Variants in CDK14 observed in about 807,000 individuals in gnomAD.
The protein encoded by CDK14 is cyclin dependent kinase 14.
In CDK14, 34 loss-of-function variants were observed where a neutral mutation model predicts 60.7. The ratio of observed to expected loss-of-function variants is 0.56; its 90% CI spans 0.43 to 0.75. CDK14 has a LOEUF of 0.75. Ranked by LOEUF, CDK14 falls within the 30% of genes least tolerant of loss-of-function variation. The pLI is 0.00. For missense variants in CDK14, 482 were observed against 564.1 expected (o/e 0.85, Z 1.47); for synonymous variants, 197 against 203.7 (o/e 0.97, Z 0.28).
At chr7:90,649,329 C>T (rs61101856) in intron 2 of CDK14, among the ~76,000 whole-genome samples, 602 of 41,072 alleles carry the variant, frequency 0.015, 3 homozygotes, top group East Asian at 0.058. Flanking sequence ...TCCTTCCTTC[C>T]TTCCTTCCTT....
At chr7:90,711,001 A>AT (rs1462567617) in intron 2 of CDK14, among the ~76,000 whole-genome samples, 1 of 152,016 alleles carries the variant, frequency 6.6e-6, no homozygotes, top group Non-Finnish European at 1.5e-5. Context: ...TCAGCATTTG[A>AT]TTTTTTGCTT....
At chr7:91,112,822 GGTGTGT>G (rs112066860) in intron 13 of CDK14, 141 bp downstream of exon 13, 30 of 688,232 alleles carry the variant, frequency 4.4e-5, no homozygotes, top group African/African-American at 1.1e-4. Flanking sequence ...GTGCATTACA[GGTGTGT>G]GTGTGTGTGT....
intron 13 of CDK14, among the ~76,000 whole-genome samples, chr7:91,116,945 G>A (rs1428565385): frequency 3.3e-5 from 5 of 151,314 alleles, no homozygotes; most frequent in Non-Finnish European, 7.4e-5. Flanking sequence ...TGGACTCCCT[G>A]GAGCCTAGAT....
intron 14 of CDK14, among the ~76,000 whole-genome samples, chr7:91,147,162 T>TCTCTCTCACA (rs1438870514): frequency 3.0e-4 from 38 of 124,738 alleles, no homozygotes; most frequent in African/African-American, 1.2e-3. Flanking sequence ...TCTCTCTCTC[T>TCTCTCTCACA]CACACACACA....
chr7:90,739,840 A>G (rs144005007), intron 3 of CDK14, among the ~76,000 whole-genome samples: 3 of 152,338 alleles, frequency 2.0e-5, no homozygotes, highest in Non-Finnish European at 2.9e-5. Context: ...GAAGTTTAAT[A>G]TAGGTTTTTA....
At chr7:90,813,286 G>C (rs911394702) in intron 5 of CDK14, among the ~76,000 whole-genome samples, 1 of 152,170 alleles carries the variant, frequency 6.6e-6, no homozygotes, top group Non-Finnish European at 1.5e-5. Flanking sequence ...AGCAAGGATT[G>C]ACAGTGAACT....
intron 14 of CDK14, among the ~76,000 whole-genome samples, chr7:91,150,341 C>T (rs66970437): frequency 0.091 from 13,808 of 152,038 alleles, 816 homozygotes; most frequent in Non-Finnish European, 0.13. Context: ...ATAGATTAAC[C>T]AATTAATTAT....
intron 2 of CDK14, among the ~76,000 whole-genome samples, chr7:90,609,462 A>G (rs1799491882): frequency 6.6e-6 from 1 of 151,964 alleles, no homozygotes; most frequent in African/African-American, 2.4e-5. Flanking sequence ...ATGATTTAGA[A>G]CCATCCCCTT....
intron 2 of CDK14, chr7:90,632,327 G>A: frequency 3.1e-6 from 1 of 321,434 alleles, no homozygotes; most frequent in Non-Finnish European, 6.5e-6. Flanking sequence ...GCTGAATCAA[G>A]GATCTTTTGG....
intron 5 of CDK14, among the ~76,000 whole-genome samples, chr7:90,810,955 T>G (rs1206330940): frequency 2.0e-5 from 3 of 151,886 alleles, no homozygotes; most frequent in Non-Finnish European, 4.4e-5. Context: ...CACTGCTCAA[T>G]GAAATAAAAG....
intron 5 of CDK14, among the ~76,000 whole-genome samples, chr7:90,840,858 C>T (rs1790264825): frequency 6.6e-6 from 1 of 151,826 alleles, no homozygotes; most frequent in East Asian, 1.9e-4. Flanking sequence ...GAGGTTTAGC[C>T]AATATTGCAT....
chr7:90,993,518 A>C (rs1220850516), intron 10 of CDK14, among the ~76,000 whole-genome samples: 1 of 152,012 alleles, frequency 6.6e-6, no homozygotes, highest in Non-Finnish European at 1.5e-5. Context: ...TTCTGAAAGA[A>C]GAAGGGGAAG....
rs78774166 is a variant in CDK14, at chr7:90,625,111, G to A, written c.123+20862G>A. Among the ~76,000 whole-genome samples the A allele has an allele frequency of 8.8e-3, 1,345 of 152,206 alleles. 25 individuals carry two copies. Among genetic ancestry groups the A allele is most frequent in the African/African-American group, 0.028 (1,181 of 41,520 alleles). On this transcript the variant is annotated intron_variant, in intron 2 of 14. Coordinates refer to ENST00000380050, the MANE Select transcript of CDK14 (RefSeq NM_001287135.2). The stretch of plus-strand genomic sequence containing the variant: ...CAGTGGCTCATAATCTCAGTGCTTC[G>A]GGAGATCAAGGAAGGAGGACTGCTT...
At chr7:90,662,030 G>A (rs1800873907) in intron 2 of CDK14, among the ~76,000 whole-genome samples, 1 of 152,174 alleles carries the variant, frequency 6.6e-6, no homozygotes, top group Admixed American at 6.5e-5. Context: ...CAACAAAGGA[G>A]TAAGAAAAAT....
intron 6 of CDK14, among the ~76,000 whole-genome samples, chr7:90,889,083 A>G (rs536692710): frequency 1.3e-5 from 2 of 152,312 alleles, no homozygotes; most frequent in Admixed American, 1.3e-4. Flanking sequence ...AAAACTATAC[A>G]CTGAGTTTAT....
chr7:90,833,138 G>A (rs1223182582), intron 5 of CDK14, among the ~76,000 whole-genome samples: 1 of 152,152 alleles, frequency 6.6e-6, no homozygotes, highest in Non-Finnish European at 1.5e-5. Context: ...TGTCTCATGA[G>A]CTCATTTTGT....
chr7:90,831,182 T>C (rs1396970323), intron 5 of CDK14, among the ~76,000 whole-genome samples: 2 of 152,222 alleles, frequency 1.3e-5, no homozygotes, highest in Admixed American at 6.5e-5. Flanking sequence ...TATAAATAAC[T>C]ACCTGAGACT....
chr7:90,924,076 T>C (rs760786225), intron 8 of CDK14, among the ~76,000 whole-genome samples: 15 of 152,234 alleles, frequency 9.9e-5, no homozygotes, highest in Non-Finnish European at 1.6e-4. Flanking sequence ...TTACTTAGAA[T>C]AACTAAATCT....
intron 6 of CDK14, among the ~76,000 whole-genome samples, chr7:90,874,697 T>C (rs1459555891): frequency 6.7e-6 from 1 of 149,858 alleles, no homozygotes; most frequent in Admixed American, 6.6e-5. Context: ...CCCGGCTAAT[T>C]TTTTGTATTT....
Sources: gnomAD v4.1 joint callset for allele counts (sites outside exome capture counted in the v4.1 genomes callset) on GRCh38, gnomAD v4.1.1 for gene constraint, MANE v1.5 for transcripts, NCBI Gene and HGNC (gene_info 2026-07-23, HGNC 2026-07-21) for gene names.